ZNG1A: variants seen among roughly 807,000 people sequenced by gnomAD.
The protein encoded by ZNG1A is Zn regulated GTPase metalloprotein activator 1A, also known as zinc-regulated GTPase metalloprotein activator 1A.
At chr9:142,990 C>T in the ZNG1A span, among the ~76,000 whole-genome samples, 1 of 142,756 alleles carries the variant, frequency 7.0e-6, no homozygotes, top group Non-Finnish European at 1.5e-5. Context: ...AAAGACTAAA[C>T]CAGGAAGAAG....
the ZNG1A span, among the ~76,000 whole-genome samples, chr9:143,288 A>G: frequency 6.7e-6 from 1 of 148,960 alleles, no homozygotes; most frequent in Non-Finnish European, 1.5e-5. Flanking sequence ...TGATGTAAAA[A>G]TCCTCAATAA....
At chr9:144,454 C>G in the ZNG1A span, among the ~76,000 whole-genome samples, 2 of 151,760 alleles carry the variant, frequency 1.3e-5, no homozygotes, top group Admixed American at 1.3e-4. Context: ...GAAAGGATTC[C>G]CTATTTAATA....
the ZNG1A span, among the ~76,000 whole-genome samples, chr9:130,565 A>G: frequency 0.26 from 10,284 of 39,638 alleles, 1,785 homozygotes; most frequent in East Asian, 0.37. Context: ...TCGAGTAGCT[A>G]GGATTACAGG....
chr9:176,762 G>A, the ZNG1A span, among the ~76,000 whole-genome samples: 1 of 151,634 alleles, frequency 6.6e-6, no homozygotes, highest in African/African-American at 2.4e-5. Flanking sequence ...ACAGGGCAGT[G>A]ATGTGAAAAC....
chr9:163,967 T>G, the ZNG1A span: 19 of 1,590,594 alleles, frequency 1.2e-5, no homozygotes, highest in Non-Finnish European at 1.6e-5. Context: ...GAAAACTGTT[T>G]TTTAACTTAC....
At chr9:143,235 C>G in the ZNG1A span, among the ~76,000 whole-genome samples, 1 of 147,904 alleles carries the variant, frequency 6.8e-6, no homozygotes, top group Non-Finnish European at 1.5e-5. Context: ...GGCAGAGACA[C>G]AACCAAAAAA....
At chr9:178,219 C>G in the ZNG1A span, among the ~76,000 whole-genome samples, 1 of 150,224 alleles carries the variant, frequency 6.7e-6, no homozygotes, top group Non-Finnish European at 1.5e-5. Flanking sequence ...ACACTCTAAA[C>G]GTTCTTAGTT....
chr9:157,288 T>TG, the ZNG1A span, among the ~76,000 whole-genome samples: 1 of 145,892 alleles, frequency 6.9e-6, no homozygotes. Context: ...TGTTGTCTGT[T>TG]TTTTTTTTTT....
chr9:165,032 G>C, the ZNG1A span, among the ~76,000 whole-genome samples: 1 of 152,132 alleles, frequency 6.6e-6, no homozygotes, highest in African/African-American at 2.4e-5. Flanking sequence ...AATAGGATTT[G>C]TGAGTAACAG....
chr9:159,725 A>T, the ZNG1A span, among the ~76,000 whole-genome samples: 1 of 151,228 alleles, frequency 6.6e-6, no homozygotes, highest in South Asian at 2.1e-4. Flanking sequence ...CTATCTTAAA[A>T]CCCACTGGCT....
the ZNG1A span, among the ~76,000 whole-genome samples, chr9:162,981 T>C: frequency 6.6e-5 from 10 of 152,062 alleles, no homozygotes; most frequent in African/African-American, 2.4e-4. Flanking sequence ...AACATATGCC[T>C]AAGTTTCCAA....
At chr9:176,990 G>A in the ZNG1A span, among the ~76,000 whole-genome samples, 1 of 152,132 alleles carries the variant, frequency 6.6e-6, no homozygotes, top group Non-Finnish European at 1.5e-5. Context: ...GAATGGAGGG[G>A]AATTCAGTGA....
the ZNG1A span, among the ~76,000 whole-genome samples, chr9:175,080 T>TA: frequency 3.7e-3 from 559 of 152,082 alleles, 1 homozygote; most frequent in African/African-American, 0.013. Context: ...TCCTAATTCC[T>TA]AAAAAAAACA....
the ZNG1A span, chr9:150,693 GTAAGAAAAA>G: frequency 2.0e-6 from 2 of 982,082 alleles, no homozygotes; most frequent in African/African-American, 3.6e-5. Flanking sequence ...TCCACTTGAA[GTAAGAAAAA>G]TCAATCACTG....
chr9:171,203 A>C, the ZNG1A span, among the ~76,000 whole-genome samples: 1 of 152,194 alleles, frequency 6.6e-6, no homozygotes, highest in Non-Finnish European at 1.5e-5. Context: ...TTTTAAGTAC[A>C]ATAACCACTG....
chr9:122,029 T>A, the ZNG1A span: 1 of 1,611,020 alleles, frequency 6.2e-7, no homozygotes, highest in Non-Finnish European at 8.5e-7. Flanking sequence ...CTCCAGATCA[T>A]AGAGCTCATG....
At chr9:175,862 G>A in the ZNG1A span, 31 of 1,229,844 alleles carry the variant, frequency 2.5e-5, no homozygotes, top group Admixed American at 1.3e-4. Context: ...GAATCCTAAC[G>A]TTTTTGAGAA....
chr9:174,809 C>A, the ZNG1A span, among the ~76,000 whole-genome samples: 8 of 150,778 alleles, frequency 5.3e-5, no homozygotes, highest in Admixed American at 3.3e-4. Flanking sequence ...TGAAGAAAAA[C>A]TTCTATAAAG....
chr9:139,319 C>T, the ZNG1A span, among the ~76,000 whole-genome samples: 1 of 150,290 alleles, frequency 6.7e-6, no homozygotes. Flanking sequence ...AAATAGTCAA[C>T]CCCATAGAAA....
Sources: gnomAD v4.1 joint callset for allele counts (sites outside exome capture counted in the v4.1 genomes callset) on GRCh38, gnomAD v4.1.1 for gene constraint, MANE v1.5 for transcripts, NCBI Gene and HGNC (gene_info 2026-07-23, HGNC 2026-07-21) for gene names.